Variants in GAREM2 observed in about 807,000 individuals in gnomAD.
GAREM2 encodes the protein GRB2 associated regulator of MAPK1 subtype 2, also known as GRB2-associated and regulator of MAPK protein 2.
In GAREM2, 30 loss-of-function variants were observed where a neutral mutation model predicts 55.6. The ratio of observed to expected loss-of-function variants is 0.54; its 90% confidence interval spans 0.40 to 0.73. GAREM2 has a LOEUF of 0.73. Ranked by LOEUF, GAREM2 falls within the 30% of genes least tolerant of loss-of-function variation. The probability of loss-of-function intolerance (pLI) is 0.00; values close to 1 mark genes in which losing one functional copy is unlikely to be tolerated. For synonymous variants in GAREM2, 550 were observed against 569.1 expected (o/e 0.97, Z 0.48); for missense variants, 1,075 against 1,257.7 (o/e 0.85, Z 2.20).
rs1483818344 is a variant in GAREM2 at position 26,186,314 on chromosome 2, C to T, written c.1554C>T (p.Ser518=). Residue 518 remains serine (S), a synonymous_variant, in exon 5 of 6, where the codon TCC becomes TCT. Coordinates refer to ENST00000401533, the MANE Select transcript of GAREM2 (RefSeq NM_001168241.2). ...PRFPKLQPVH[S]PSSSLSYYSS... The stretch of plus-strand genomic sequence containing the variant: ...TCCCCAAGCTGCAGCCGGTACATTC[C>T]CCCAGCTCCAGCCTCTCCTACTACT... The T allele has an allele frequency of 1.9e-6, 3 of 1,551,624 alleles. No individual in the cohort carries two copies. The highest frequency in any genetic ancestry group is 2.6e-6 in the Non-Finnish European group (3 of 1,146,994).
downstream of GAREM2, chr2:26,189,691 TG>T (rs1669429520): frequency 1.9e-5 from 1 of 53,318 alleles, no homozygotes; most frequent in Admixed American, 1.8e-4. Context: ...TTTCTTCTTT[TG>T]AAAACAAGGC....
the GAREM2 span, chr2:26,195,083 G>T: frequency 6.2e-7 from 1 of 1,608,980 alleles, no homozygotes; most frequent in Non-Finnish European, 8.5e-7. Flanking sequence ...CTGTTATACA[G>T]CCCCTTACCT....
the GAREM2 span, among the ~76,000 whole-genome samples, chr2:26,197,417 T>G: frequency 6.6e-6 from 1 of 152,214 alleles, no homozygotes; most frequent in Non-Finnish European, 1.5e-5. Flanking sequence ...GGCCTATCCT[T>G]CAATGCCTAA....
In GAREM2 at chr2:26,187,410, G is replaced by A. The variant is rs550188998; in HGVS notation, c.1778G>A (p.Gly593Asp). ...ASRALTEPLS[G>D]RAASLLGADT... is the part of the protein sequence containing the mutation. Reference sequence around the variant, plus strand: ...CGGGCCCTCACAGAGCCTCTGAGCGGTCGAGCCGCCTCCCTTCTGGGGGCT... The same window carrying A: ...CGGGCCCTCACAGAGCCTCTGAGCGATCGAGCCGCCTCCCTTCTGGGGGCT... Residue 593 changes from glycine to aspartate, a missense_variant, in exon 6 of 6, where the codon GGT becomes GAT. This residue lies in a region of GAREM2 where 515 missense variants were observed against 501.5 expected (regional missense o/e 1.03). Coordinates refer to ENST00000401533, the MANE Select transcript of GAREM2 (RefSeq NM_001168241.2). 29 of 1,547,700 alleles carry A rather than the reference G, an allele frequency of 1.9e-5. No individual in the cohort carries two copies. In the East Asian group the frequency reaches 6.4e-4, roughly 34 times the overall value.
At chr2:26,200,280 TTC>T in the GAREM2 span, among the ~76,000 whole-genome samples, 1 of 152,176 alleles carries the variant, frequency 6.6e-6, no homozygotes, top group Non-Finnish European at 1.5e-5. Flanking sequence ...GTAACCCACA[TTC>T]TGTTTATCCA....
intron 1 of GAREM2, among the ~76,000 whole-genome samples, 194 bp downstream of exon 1, chr2:26,173,526 C>G (rs146666194): frequency 0.019 from 2,861 of 151,864 alleles, 29 homozygotes; most frequent in Non-Finnish European, 0.025. Context: ...CTGGGCCCCG[C>G]GGACAAGCAC....
At chr2:26,193,557 G>A, downstream of GAREM2, 1 of 1,592,716 alleles carries the variant, frequency 6.3e-7, no homozygotes, top group Non-Finnish European at 8.6e-7. Context: ...TGCTAGTTAT[G>A]TTTCCTTGAG....
downstream of GAREM2, among the ~76,000 whole-genome samples, chr2:26,194,321 G>C (rs1167396739): frequency 6.6e-6 from 1 of 152,162 alleles, no homozygotes; most frequent in Non-Finnish European, 1.5e-5. Context: ...GACATGCTGG[G>C]GGGTGGGGTG....
intron 4 of GAREM2, among the ~76,000 whole-genome samples, chr2:26,185,503 A>C (rs1574593804): frequency 1.3e-5 from 2 of 152,108 alleles, no homozygotes; most frequent in Admixed American, 6.5e-5. Flanking sequence ...GTAGGTCCCC[A>C]GCCTCAGAGG....
intron 2 of GAREM2, among the ~76,000 whole-genome samples, chr2:26,178,410 A>ACC (rs5830003): frequency 2.4e-3 from 345 of 145,212 alleles, no homozygotes; most frequent in African/African-American, 3.2e-3. Context: ...AAAACAAACA[A>ACC]CCCCCCCCCC....
At chr2:26,192,468 G>A (rs1331253981), downstream of GAREM2, 5 of 1,059,954 alleles carry the variant, frequency 4.7e-6, no homozygotes, top group African/African-American at 1.6e-5. Context: ...TGTTCTCAGG[G>A]AGGGAGTGTT....
At chr2:26,174,715 G>A (rs1668806173) in intron 1 of GAREM2, among the ~76,000 whole-genome samples, 1 of 152,218 alleles carries the variant, frequency 6.6e-6, no homozygotes, top group African/African-American at 2.4e-5. Context: ...CCATCAGGGT[G>A]TGAATGTCTG....
At chr2:26,195,325 G>A in the GAREM2 span, 2 of 1,103,576 alleles carry the variant, frequency 1.8e-6, no homozygotes, top group South Asian at 2.5e-5. Context: ...TAGAAAGAAA[G>A]GTGGCTGTGA....
downstream of GAREM2, chr2:26,192,219 TA>T (rs34898931): frequency 0.28 from 171,921 of 603,704 alleles, 2,861 homozygotes; most frequent in Middle Eastern, 0.32. Context: ...CTTAAAGTAT[TA>T]AAAAAAAAAA....
chr2:26,189,372 C>T lies in GAREM2; in HGVS notation c.*1115C>T, dbSNP rs563689444. On this transcript the variant is annotated 3_prime_UTR_variant, in exon 6 of 6. Coordinates refer to ENST00000401533, the MANE Select transcript of GAREM2 (RefSeq NM_001168241.2). ...ACACACCCCACCCCATCCGTGTCCT[C>T]CATCTCACCCAGAACCACAGGGTGC... is the stretch of plus-strand genomic sequence containing the variant. 4 of 152,352 alleles carry T rather than the reference C, an allele frequency of 2.6e-5. 1 individual carries two copies. In the South Asian group the frequency reaches 8.3e-4, roughly 32 times the overall value. The allele number at this position is 152,352 out of a possible 1,614,324, so 9.4% of individuals were successfully genotyped here.
rs1444763831 is a variant in GAREM2 at position 26,189,217 on chromosome 2, A to T, written c.*960A>T. ...TTCTGTCACTGGCACAGGAGGGTAC[A>T]GTTGGGAGAGTGCGTTCCTGGAGCT... On this transcript the variant is annotated 3_prime_UTR_variant, in exon 6 of 6. Coordinates refer to ENST00000401533, the MANE Select transcript of GAREM2 (RefSeq NM_001168241.2). 1 of 152,224 alleles carries T rather than the reference A, an allele frequency of 6.6e-6. No homozygotes were observed. Among genetic ancestry groups the T allele is most frequent in the African/African-American group, 2.4e-5 (1 of 41,438 alleles). 9.4% of individuals were successfully genotyped at this position (152,224 alleles called of 1,614,324 possible).
the GAREM2 span, among the ~76,000 whole-genome samples, chr2:26,198,093 C>T: frequency 6.6e-6 from 1 of 152,182 alleles, no homozygotes; most frequent in East Asian, 1.9e-4. Flanking sequence ...AAAAGACGGC[C>T]TTGAATTGCA....
At chr2:26,181,418 T>A (rs1669047963) in intron 2 of GAREM2, 1 of 152,504 alleles carries the variant, frequency 6.6e-6, no homozygotes, top group African/African-American at 2.4e-5. Flanking sequence ...TCCTCTCAGA[T>A]TCCGCCAGGC....
At chr2:26,198,612 T>C in the GAREM2 span, among the ~76,000 whole-genome samples, 1 of 151,134 alleles carries the variant, frequency 6.6e-6, no homozygotes, top group East Asian at 1.9e-4. Flanking sequence ...AAAAGCTGAG[T>C]ACAAAATAAG....
Sources: allele counts gnomAD v4.1 joint callset (sites outside exome capture counted in the v4.1 genomes callset), GRCh38; gene constraint gnomAD v4.1.1; regional missense constraint gnomAD v4.1.1; transcripts MANE v1.5; gene names NCBI Gene and HGNC (gene_info 2026-07-23, HGNC 2026-07-21).